The following SCN11A variants were observed in gnomAD, a reference collection of about 807,000 sequenced individuals.
SCN11A encodes sodium voltage-gated channel alpha subunit 11.
Under a neutral mutation model 162.2 loss-of-function variants are expected in SCN11A, and 122 were observed. The ratio of observed to expected loss-of-function variants is 0.75; its 90% CI spans 0.65 to 0.87. SCN11A has a LOEUF of 0.87. SCN11A is among the 40% of genes least tolerant of loss of function. The pLI is 0.00. For missense variants in SCN11A, 2,015 were observed against 2,181.6 expected, an observed-to-expected ratio of 0.92 and a Z score of 1.52; for synonymous variants, 758 against 751.5, an observed-to-expected ratio of 1.01 and a Z score of -0.14.
chr3:38,907,857 C>T (rs1312566461), intron 14 of SCN11A, 92 bp downstream of exon 14: 2 of 1,105,168 alleles, frequency 1.8e-6, no homozygotes, highest in Admixed American at 2.4e-5. Flanking sequence ...AAATGAGTAA[C>T]TGAATAAATG....
intron 26 of SCN11A, among the ~76,000 whole-genome samples, chr3:38,869,719 G>A (rs1242464657): frequency 1.3e-5 from 2 of 152,102 alleles, no homozygotes; most frequent in Non-Finnish European, 2.9e-5. Context: ...CTGAAAATCC[G>A]AAGTCTCAAG....
chr3:38,968,945 C>G (rs1174535833), intron 2 of SCN11A, among the ~76,000 whole-genome samples: 1 of 152,158 alleles, frequency 6.6e-6, no homozygotes, highest in Non-Finnish European at 1.5e-5. Flanking sequence ...TGTGGTCTCC[C>G]ACTAGCTACC....
At chr3:38,969,017 A>AGCCC (rs1379083671) in intron 2 of SCN11A, among the ~76,000 whole-genome samples, 1 of 152,222 alleles carries the variant, frequency 6.6e-6, no homozygotes, top group Non-Finnish European at 1.5e-5. Context: ...TGCCCGTCAC[A>AGCCC]GCCCCTACCT....
At chr3:39,030,244 C>T (rs1335703381) in intron 2 of SCN11A, among the ~76,000 whole-genome samples, 1 of 152,186 alleles carries the variant, frequency 6.6e-6, no homozygotes, top group Non-Finnish European at 1.5e-5. Context: ...GCAAAGAGGG[C>T]AGACCTGTAA....
intron 18 of SCN11A, 38 bp downstream of exon 18, chr3:38,896,807 T>TA (rs770167305): frequency 3.9e-5 from 40 of 1,032,550 alleles, no homozygotes; most frequent in Non-Finnish European, 4.9e-5. Context: ...GCATGTAGGA[T>TA]CTTTTTTTTT....
chr3:38,927,694 T>G (rs1004561092), intron 7 of SCN11A, among the ~76,000 whole-genome samples: 22 of 152,150 alleles, frequency 1.4e-4, no homozygotes, highest in Admixed American at 7.9e-4. Context: ...AACATGTCCT[T>G]CTTCATACGG....
intron 1 of SCN11A, among the ~76,000 whole-genome samples, chr3:39,036,475 CACAG>C (rs1326255117): frequency 6.6e-6 from 1 of 152,082 alleles, no homozygotes; most frequent in Non-Finnish European, 1.5e-5. Context: ...ATCCCAAAAG[CACAG>C]ACAATCAAAG....
chr3:38,846,793 T>C lies in SCN11A; in HGVS notation c.5277A>G (p.Gln1759=), dbSNP rs1311973095. The stretch of plus-strand genomic sequence containing the variant: ...AATGAGGCCCGTTTTCCAAGTCATT[T>C]TGGTCACCTTGGTCACCCTTGGTCA... ...MKVTKGDQGD[Q]NDLENGPHSP... is the part of the protein sequence containing the mutation. Residue 1759 remains glutamine (Q), a synonymous_variant, in exon 30 of 30, where the codon CAA becomes CAG. Coordinates refer to ENST00000302328, the MANE Select transcript of SCN11A (RefSeq NM_001349253.2). The C allele has an allele frequency of 3.2e-5, 51 of 1,614,046 alleles. No individual in the cohort carries two copies. Among genetic ancestry groups the C allele is most frequent in the Non-Finnish European group, 3.9e-5 (46 of 1,180,034 alleles).
At chr3:39,033,153 G>GA (rs34925838) in intron 1 of SCN11A, among the ~76,000 whole-genome samples, 1,760 of 133,732 alleles carry the variant, frequency 0.013, 27 homozygotes, top group African/African-American at 0.043. Flanking sequence ...GTTGCATCTT[G>GA]AAAAAAAAAA....
rs746550786 is a variant in SCN11A, at chr3:38,899,930, T to C, written c.1986A>G (p.Gln662=). The C allele has an allele frequency of 6.0e-5, 97 of 1,613,876 alleles. No individual in the cohort carries two copies. Among genetic ancestry groups the C allele is most frequent in the Non-Finnish European group, 7.7e-5 (91 of 1,179,950 alleles). ...AACGCAAGAATGGCCAGCTTCTCTT[T>C]TGAAGTACACAGTTCATTACATCTG... The part of the protein sequence containing the change: ...SFADVMNCVL[Q]KRSWPFLRSF... Residue 662 remains glutamine, a synonymous_variant, in exon 17 of 30, where the codon CAA becomes CAG. Coordinates refer to ENST00000302328, the MANE Select transcript of SCN11A (RefSeq NM_001349253.2).
chr3:38,917,635 T>C (rs2065979400), intron 11 of SCN11A, among the ~76,000 whole-genome samples: 1 of 152,042 alleles, frequency 6.6e-6, no homozygotes, highest in African/African-American at 2.4e-5. Flanking sequence ...GGACACACAG[T>C]GGAGAACAAT....
rs577282162 is a variant in SCN11A at position 38,970,013 on chromosome 3, C to T, written c.-279-9590G>A. Among the ~76,000 whole-genome samples the T allele has an allele frequency of 2.0e-4, 25 of 124,636 alleles. No homozygotes were observed. In the East Asian group the frequency reaches 6.3e-3, roughly 31 times the overall value. 81.8% of individuals were successfully genotyped at this position (124,636 alleles called of 152,430 possible). A position where few individuals can be genotyped will look rare whatever the true frequency, so the allele number is the denominator to read the frequency against. ...CAGCGCAGATGTTAGCTGCCTGTTT[C>T]TCTGCTGTCACCTGTATCCACTCTT... On this transcript the variant is annotated intron_variant, in intron 2 of 29. Coordinates refer to ENST00000302328, the MANE Select transcript of SCN11A (RefSeq NM_001349253.2).
chr3:38,895,217 T>C (rs937456044), intron 18 of SCN11A, among the ~76,000 whole-genome samples: 3 of 152,142 alleles, frequency 2.0e-5, no homozygotes, highest in African/African-American at 4.8e-5. Flanking sequence ...ATAAATAATA[T>C]GGATGAGTAG....
chr3:39,010,658 G>A (rs960549479), intron 2 of SCN11A, among the ~76,000 whole-genome samples: 2 of 152,248 alleles, frequency 1.3e-5, no homozygotes, highest in Admixed American at 6.5e-5. Flanking sequence ...GATTACAGGC[G>A]TGAGCCACCA....
At chr3:38,916,308 A>C (rs1395304680) in intron 11 of SCN11A, among the ~76,000 whole-genome samples, 1 of 152,114 alleles carries the variant, frequency 6.6e-6, no homozygotes, top group Non-Finnish European at 1.5e-5. Context: ...ATTGACATTC[A>C]AGGCTAATAT....
intron 3 of SCN11A, among the ~76,000 whole-genome samples, chr3:38,957,552 A>G (rs2066697335): frequency 6.6e-6 from 1 of 152,146 alleles, no homozygotes; most frequent in African/African-American, 2.4e-5. Context: ...GTGGGGAATG[A>G]CAGAGCCTGG....
intron 17 of SCN11A, among the ~76,000 whole-genome samples, chr3:38,898,930 G>T (rs1427962571): frequency 6.6e-6 from 1 of 151,984 alleles, no homozygotes; most frequent in Non-Finnish European, 1.5e-5. Context: ...CCTAAACAAT[G>T]ATAAAGCAAA....
At position 38,892,496 on chromosome 3, in the gene SCN11A, C is replaced by T. The variant is rs2065516554; in HGVS notation, c.2835+2037G>A. On this transcript the variant is annotated intron_variant, in intron 19 of 29. Coordinates refer to ENST00000302328, the MANE Select transcript of SCN11A (RefSeq NM_001349253.2). ...AAGGATATGGGTGGGAGCAAAGTTGCATTGGAGTAAGAAAATCACACCTGC... is the reference window on the plus strand; with the variant it reads ...AAGGATATGGGTGGGAGCAAAGTTGTATTGGAGTAAGAAAATCACACCTGC... 3.9e-5 allele frequency among the ~76,000 whole-genome samples: 6 copies of T among 152,070 alleles called. 1 individual carries two copies. The South Asian group carries it at 1.2e-3, about 31-fold the overall frequency.
At chr3:38,926,758 C>A in intron 8 of SCN11A, 45 bp downstream of exon 8, 1 of 1,595,402 alleles carries the variant, frequency 6.3e-7, no homozygotes, top group South Asian at 1.1e-5. Context: ...AAAGGGGCTT[C>A]TTTCCCACTC....
Sources: gnomAD v4.1 joint callset for allele counts (sites outside exome capture counted in the v4.1 genomes callset) on GRCh38, gnomAD v4.1.1 for gene constraint, MANE v1.5 for transcripts, NCBI Gene and HGNC (gene_info 2026-07-23, HGNC 2026-07-21) for gene names.